Variants in NAV2 observed in about 807,000 individuals in gnomAD.
NAV2 encodes helicase, APC down-regulated 1.
NAV2 carries 54 observed loss-of-function variants against 223.2 expected under a neutral mutation model. The ratio of observed to expected loss-of-function variants is 0.24; its 90% CI spans 0.19 to 0.30. The LOEUF (loss-of-function observed/expected upper bound fraction) is 0.30. Ranked by LOEUF, NAV2 falls within the 10% of genes least tolerant of loss-of-function variation. The pLI, the probability that NAV2 is intolerant of heterozygous loss-of-function variation, is 1.00. For synonymous variants in NAV2, 1,279 were observed against 1,239.3 expected, an observed-to-expected ratio of 1.03 and a Z score of -0.67; for missense variants, 2,806 against 3,147.5, an observed-to-expected ratio of 0.89 and a Z score of 2.60.
intron 10 of NAV2, among the ~76,000 whole-genome samples, chr11:19,949,324 G>A (rs181132012): frequency 2.2e-4 from 34 of 152,234 alleles, no homozygotes; most frequent in Non-Finnish European, 4.6e-4. Flanking sequence ...AAACCATGTC[G>A]CATCAGTCCC....
At chr11:19,618,429 G>T (rs1198529080) in intron 1 of NAV2, among the ~76,000 whole-genome samples, 1 of 151,540 alleles carries the variant, frequency 6.6e-6, no homozygotes, top group South Asian at 2.1e-4. Flanking sequence ...TGGATGGATG[G>T]ATGGATGGAC....
chr11:20,014,661 G>A (rs372002271), intron 11 of NAV2, among the ~76,000 whole-genome samples: 5 of 152,100 alleles, frequency 3.3e-5, no homozygotes, highest in East Asian at 1.9e-4. Context: ...CAGCCCTTTC[G>A]GAGGCCAAGG....
At chr11:19,593,025 T>C (rs1265571677) in intron 1 of NAV2, among the ~76,000 whole-genome samples, 1 of 152,130 alleles carries the variant, frequency 6.6e-6, no homozygotes, top group Non-Finnish European at 1.5e-5. Flanking sequence ...CTGTGTCCTT[T>C]TCTCACTTGT....
intron 1 of NAV2, among the ~76,000 whole-genome samples, chr11:19,547,429 A>G (rs1166480753): frequency 2.0e-5 from 3 of 152,184 alleles, no homozygotes; most frequent in Non-Finnish European, 4.4e-5. Flanking sequence ...CAAACTCTGG[A>G]TCACCTCATT....
chr11:19,927,109 C>G (rs1248137077), intron 6 of NAV2, among the ~76,000 whole-genome samples: 2 of 152,210 alleles, frequency 1.3e-5, no homozygotes, highest in Non-Finnish European at 2.9e-5. Flanking sequence ...GATTAATACT[C>G]TCTCTAAACT....
intron 14 of NAV2, among the ~76,000 whole-genome samples, chr11:20,047,148 T>A (rs1449429056): frequency 1.3e-5 from 2 of 152,230 alleles, no homozygotes; most frequent in African/African-American, 2.4e-5. Flanking sequence ...TGTTCTCTGT[T>A]TCTTGCCTCA....
chr11:19,877,470 C>CTT lies in NAV2; in HGVS notation c.512-2380_512-2379dup, dbSNP rs1289323253. 4.2e-4 allele frequency among the ~76,000 whole-genome samples: 35 copies of CTT among 82,614 alleles called. 1 individual carries two copies. Among genetic ancestry groups the CTT allele is most frequent in the Non-Finnish European group, 5.7e-4 (26 of 45,690 alleles). 54.2% of individuals were successfully genotyped at this position (82,614 alleles called of 152,430 possible). A position where few individuals can be genotyped will look rare whatever the true frequency, so the allele number is the denominator to read the frequency against. ...AGACCTTGCTTGGCTTATCTTCATTCTTTTTTTTTTTTTTTTTTTTGAGAC... is the reference window on the plus strand; with the variant it reads ...AGACCTTGCTTGGCTTATCTTCATTCTTTTTTTTTTTTTTTTTTTTTTGAGAC... On this transcript the variant is annotated intron_variant, in intron 4 of 37. Transcript: ENST00000349880.
intron 32 of NAV2, 100 bp from the exon 33 acceptor site, chr11:20,103,155 C>G (rs2061758525): frequency 8.7e-7 from 1 of 1,151,854 alleles, no homozygotes; most frequent in Non-Finnish European, 1.2e-6. Context: ...AAGGGCCTTT[C>G]TGCCTCCACT....
At chr11:20,049,771 C>A in intron 15 of NAV2, 65 bp from the exon 16 acceptor site, 2 of 1,496,182 alleles carry the variant, frequency 1.3e-6, no homozygotes, top group Non-Finnish European at 1.9e-6. Flanking sequence ...ATGTATATAA[C>A]AACACCTCTC....
intron 1 of NAV2, among the ~76,000 whole-genome samples, chr11:19,816,435 T>C (rs1244030685): frequency 1.3e-5 from 2 of 152,270 alleles, no homozygotes; most frequent in African/African-American, 4.8e-5. Flanking sequence ...AGATCTTCTC[T>C]AGTCCCTCTG....
At chr11:19,629,208 C>G (rs575090747) in intron 1 of NAV2, among the ~76,000 whole-genome samples, 5 of 152,238 alleles carry the variant, frequency 3.3e-5, no homozygotes, top group African/African-American at 1.2e-4. Flanking sequence ...CCCAACCCCA[C>G]TCACCAGCCT....
intron 11 of NAV2, among the ~76,000 whole-genome samples, chr11:20,014,324 A>G (rs1367798847): frequency 1.3e-5 from 2 of 152,150 alleles, no homozygotes; most frequent in Non-Finnish European, 2.9e-5. Context: ...TTCATTCCCC[A>G]TCCATCTTAA....
intron 1 of NAV2, among the ~76,000 whole-genome samples, chr11:19,509,339 C>G (rs2043208179): frequency 6.6e-6 from 1 of 152,140 alleles, no homozygotes; most frequent in South Asian, 2.1e-4. Context: ...TGGACAGGAA[C>G]TACGTCATTA....
chr11:19,681,675 CT>C (rs1403322668), intron 1 of NAV2, among the ~76,000 whole-genome samples: 1 of 152,176 alleles, frequency 6.6e-6, no homozygotes, highest in African/African-American at 2.4e-5. Context: ...TCTGGCCAGC[CT>C]TTGGCAAGTC....
intron 1 of NAV2, among the ~76,000 whole-genome samples, chr11:19,409,866 G>T (rs10833107): frequency 0.12 from 18,681 of 152,158 alleles, 1,485 homozygotes; most frequent in South Asian, 0.28. Context: ...CAAAGTTTGA[G>T]ATTTTTTAAT....
At chr11:19,537,401 A>G (rs1329421226) in intron 1 of NAV2, among the ~76,000 whole-genome samples, 5 of 152,228 alleles carry the variant, frequency 3.3e-5, no homozygotes, top group Admixed American at 1.3e-4. Context: ...CAGCTGAGGA[A>G]ACTGGGACTC....
chr11:19,630,874 T>C (rs2047320823), intron 1 of NAV2, among the ~76,000 whole-genome samples: 2 of 107,866 alleles, frequency 1.9e-5, no homozygotes, highest in Non-Finnish European at 3.4e-5. Context: ...AGACCCTGTT[T>C]CAAAAAGAAA....
chr11:19,639,783 C>T (rs2047609825), intron 1 of NAV2, among the ~76,000 whole-genome samples: 1 of 152,108 alleles, frequency 6.6e-6, no homozygotes, highest in Non-Finnish European at 1.5e-5. Context: ...TTGTGTGGAG[C>T]GTTCTCCCAC....
intron 1 of NAV2, among the ~76,000 whole-genome samples, chr11:19,731,410 C>A (rs1297514938): frequency 6.6e-6 from 1 of 152,216 alleles, no homozygotes; most frequent in East Asian, 1.9e-4. Context: ...TCACACTGGG[C>A]TGAACCCTGG....
Sources: allele counts gnomAD v4.1 joint callset (sites outside exome capture counted in the v4.1 genomes callset), GRCh38; gene constraint gnomAD v4.1.1; transcripts MANE v1.5; gene names NCBI Gene and HGNC (gene_info 2026-07-23, HGNC 2026-07-21).